GRIK3: variants seen among roughly 807,000 people sequenced by gnomAD.
GRIK3 encodes glutamate receptor ionotropic, kainate 3.
In GRIK3, 29 loss-of-function variants were observed where a neutral mutation model predicts 102.5. The observed-to-expected ratio is 0.28, with a 90% CI of 0.21 to 0.39. GRIK3 has a LOEUF of 0.39. Among genes scored for constraint, GRIK3 ranks in the 10% least tolerant of loss-of-function variants. GRIK3 has a pLI of 1.00. For synonymous variants in GRIK3, 511 were observed against 504.9 expected, an observed-to-expected ratio of 1.01 and a Z score of -0.16; for missense variants, 908 against 1,252.4, an observed-to-expected ratio of 0.73 and a Z score of 4.15.
intron 1 of GRIK3, among the ~76,000 whole-genome samples, chr1:36,956,347 G>A (rs1302504750): frequency 6.6e-6 from 1 of 152,188 alleles, no homozygotes; most frequent in African/African-American, 2.4e-5. Context: ...TACTTAGGAA[G>A]ATGAAATGAC....
intron 2 of GRIK3, among the ~76,000 whole-genome samples, chr1:36,884,044 G>T (rs760626444): frequency 6.6e-6 from 1 of 152,206 alleles, no homozygotes; most frequent in African/African-American, 2.4e-5. Flanking sequence ...GTAACACGGG[G>T]CAGAACAGCA....
intron 1 of GRIK3, among the ~76,000 whole-genome samples, chr1:36,960,019 T>C (rs995675328): frequency 2.3e-5 from 2 of 85,848 alleles, no homozygotes; most frequent in Admixed American, 1.2e-4. Context: ...GCCCCATAAG[T>C]CTGTGTGCCC....
At chr1:36,846,455 G>A (rs898140220) in intron 9 of GRIK3, among the ~76,000 whole-genome samples, 1 of 152,214 alleles carries the variant, frequency 6.6e-6, no homozygotes, top group South Asian at 2.1e-4. Context: ...AAGGGGAGGA[G>A]AAACTCCCCC....
intron 13 of GRIK3, among the ~76,000 whole-genome samples, chr1:36,813,816 T>A (rs1040404096): frequency 6.6e-6 from 1 of 152,072 alleles, no homozygotes; most frequent in Admixed American, 6.5e-5. Context: ...TGTATCTACA[T>A]TCAGGCTCTT....
At chr1:36,836,696 C>G (rs778928552) in intron 10 of GRIK3, among the ~76,000 whole-genome samples, 1 of 152,214 alleles carries the variant, frequency 6.6e-6, no homozygotes, top group Non-Finnish European at 1.5e-5. Context: ...AACTTCTTAT[C>G]TGGCCATCCA....
At position 36,912,712 on chromosome 1, in the gene GRIK3, A is replaced by C. The variant is rs1167351148; in HGVS notation, c.116-21616T>G. Among the ~76,000 whole-genome samples, 4 of 152,098 alleles carry C rather than the reference A, an allele frequency of 2.6e-5. No individual in the cohort carries two copies. The East Asian group carries it at 7.7e-4, about 29-fold the overall frequency. On this transcript the variant is annotated intron_variant, in intron 1 of 15. Coordinates refer to ENST00000373091, the MANE Select transcript of GRIK3 (RefSeq NM_000831.4). ...CTGGGCCCCACTCTCCCCCTTCTCC[A>C]TTAGGCTGAGGTCATCTAGAGGGTG...
At chr1:36,920,884 C>T (rs895986504) in intron 1 of GRIK3, among the ~76,000 whole-genome samples, 3 of 152,252 alleles carry the variant, frequency 2.0e-5, no homozygotes, top group Admixed American at 2.0e-4. Flanking sequence ...TCAGCAGCAG[C>T]TCTCACTCTC....
In GRIK3 at chr1:36,872,124, G is replaced by A. The variant is rs536787; in HGVS notation, c.732+64C>T. ...GCAGCATCACACCCACATTTGGGAA[G>A]GGGACGTGGGAGAAGTGGCCAGCAG... On this transcript the variant is annotated intron_variant, in intron 4 of 15. Coordinates refer to ENST00000373091, the MANE Select transcript of GRIK3 (RefSeq NM_000831.4). This position sits in a 1 kb window ranked among gnomAD's most constrained non-coding sequence, Gnocchi z 5.9. The A allele has an allele frequency of 9.3e-3, 13,100 of 1,409,470 alleles. 664 individuals carry two copies. In the African/African-American group the frequency reaches 0.13, roughly 14 times the overall value. The allele number at this position is 1,409,470 out of a possible 1,614,324, so 87.3% of individuals were successfully genotyped here.
Position 36,800,853 on chromosome 1 carries a change from C to A in GRIK3, c.*998G>T, listed in dbSNP as rs867676118. 6.6e-6 allele frequency: 1 copy of A among 152,190 alleles called. No homozygotes were observed. The highest frequency in any genetic ancestry group is 2.4e-5 in the African/African-American group (1 of 41,446). 9.4% of individuals were successfully genotyped at this position (152,190 alleles called of 1,614,324 possible). Reference sequence around the variant, plus strand: ...AAGACAGAGTGAGGCCAAGGTCAACCAGCCAGGAATGGGGAGTTGTTGATG... The same window carrying A: ...AAGACAGAGTGAGGCCAAGGTCAACAAGCCAGGAATGGGGAGTTGTTGATG... On this transcript the variant is annotated 3_prime_UTR_variant, in exon 16 of 16. Transcript: ENST00000373091.
chr1:36,853,955 A>G (rs1640617682), intron 7 of GRIK3, among the ~76,000 whole-genome samples: 1 of 152,138 alleles, frequency 6.6e-6, no homozygotes, highest in Non-Finnish European at 1.5e-5. Flanking sequence ...CGTGTACAAC[A>G]TCGATCTTGG....
At chr1:36,813,719 G>C (rs932804388) in intron 13 of GRIK3, among the ~76,000 whole-genome samples, 1 of 151,608 alleles carries the variant, frequency 6.6e-6, no homozygotes, top group Non-Finnish European at 1.5e-5. Flanking sequence ...TGACAAGGCA[G>C]GGAATTGGTT....
chr1:36,947,742 C>G (rs1048099304), intron 1 of GRIK3, among the ~76,000 whole-genome samples: 1 of 152,098 alleles, frequency 6.6e-6, no homozygotes, highest in Non-Finnish European at 1.5e-5. Context: ...ATTTTCTATC[C>G]TCCTGCCCCC....
At chr1:36,885,523 CT>C (rs1368142026) in intron 2 of GRIK3, among the ~76,000 whole-genome samples, 1 of 152,134 alleles carries the variant, frequency 6.6e-6, no homozygotes, top group Non-Finnish European at 1.5e-5. Flanking sequence ...GATGACCACA[CT>C]GGGTTTCATT....
intron 1 of GRIK3, among the ~76,000 whole-genome samples, chr1:36,940,404 CT>C (rs1641706350): frequency 6.6e-6 from 1 of 152,226 alleles, no homozygotes. Context: ...ATATGTCTTG[CT>C]GTCTTAGGGA....
At chr1:36,972,414 T>C (rs985833219) in intron 1 of GRIK3, among the ~76,000 whole-genome samples, 3 of 152,172 alleles carry the variant, frequency 2.0e-5, no homozygotes, top group Non-Finnish European at 4.4e-5. Flanking sequence ...AGCTCCTGGA[T>C]GAGGAAATAC....
Position 36,806,120 on chromosome 1 carries a change from G to A in GRIK3, c.2298C>T (p.Gly766=), listed in dbSNP as rs1343841186. ...IGGLIDSKGY[G]IGTPMGSPYR... is the part of the protein sequence containing the mutation. The stretch of plus-strand genomic sequence containing the variant: ...CTCGCTCACCCATGGGCGTGCCGAT[G>A]CCGTAGCCCTTGGAGTCAATGAGGC... The change falls in exon 14 of 16, where the codon GGC becomes GGT. Residue 766 remains glycine, a synonymous_variant. Transcript: ENST00000373091. The surrounding 1 kb of genome is among the most constrained non-coding windows in gnomAD (Gnocchi z 4.0). 4 of 1,613,068 alleles carry A rather than the reference G, an allele frequency of 2.5e-6. No individual in the cohort carries two copies. The East Asian group carries it at 8.9e-5, about 36-fold the overall frequency.
intron 12 of GRIK3, among the ~76,000 whole-genome samples, chr1:36,817,837 T>C (rs1448954797): frequency 6.6e-6 from 1 of 152,156 alleles, no homozygotes; most frequent in Non-Finnish European, 1.5e-5. Flanking sequence ...TGCAACGATA[T>C]AATTTGAGAA....
intron 1 of GRIK3, among the ~76,000 whole-genome samples, chr1:36,934,964 T>C (rs1641639656): frequency 6.6e-6 from 1 of 152,222 alleles, no homozygotes; most frequent in Non-Finnish European, 1.5e-5. Flanking sequence ...TGATTTCCAC[T>C]TCCCTGTTGT....
At chr1:36,931,978 G>A (rs114725926) in intron 1 of GRIK3, among the ~76,000 whole-genome samples, 126 of 152,162 alleles carry the variant, frequency 8.3e-4, no homozygotes, top group Non-Finnish European at 1.3e-3. Context: ...AAGCCATTCC[G>A]TCCTCCTCAT....
Sources: gnomAD v4.1 joint callset for allele counts (sites outside exome capture counted in the v4.1 genomes callset) on GRCh38, gnomAD v4.1.1 for gene constraint, Gnocchi (gnomAD v3.1) non-coding constraint, MANE v1.5 for transcripts, NCBI Gene and HGNC (gene_info 2026-07-23, HGNC 2026-07-21) for gene names.